The following LHX4 variants were observed in gnomAD, a reference collection of about 807,000 sequenced individuals.
The protein encoded by LHX4 is LIM homeobox 4, also known as LIM/homeobox protein Lhx4.
In LHX4, 16 loss-of-function variants were observed where a neutral mutation model predicts 39.2. That is an observed-to-expected ratio of 0.41 (90% CI 0.28 to 0.62). LHX4 has a LOEUF of 0.62. Ranked by LOEUF, LHX4 falls within the 20% of genes least tolerant of loss-of-function variation. LHX4 has a pLI of 0.33. For missense variants in LHX4, 439 were observed against 511.9 expected, an observed-to-expected ratio of 0.86 and a Z score of 1.37; for synonymous variants, 206 against 198.1, an observed-to-expected ratio of 1.04 and a Z score of -0.33.
In LHX4 at chr1:180,231,554, TCGCGCGCGCGCGCG is replaced by T. The variant is rs3041737; in HGVS notation, c.76+960_76+973del. Among the ~76,000 whole-genome samples the T allele has an allele frequency of 2.8e-3, 372 of 132,786 alleles. 3 individuals carry two copies. Among genetic ancestry groups the T allele is most frequent in the Middle Eastern group, 0.022 (6 of 268 alleles). 87.1% of individuals were successfully genotyped at this position (132,786 alleles called of 152,430 possible). On this transcript the variant is annotated intron_variant, in intron 1 of 5. Coordinates refer to ENST00000263726, the MANE Select transcript of LHX4 (RefSeq NM_033343.4). ...AGAGGCCAGAACAGGTGCCCAGTCG[TCGCGCGCGCGCGCG>T]CGCGCGCGCGACAAGCGCCGGGAGA...
Position 180,274,894 on chromosome 1 carries a change from A to G in LHX4, c.*315A>G, listed in dbSNP as rs1648933507. Reference sequence around the variant, plus strand: ...CTTGGCTGCTCAGTGCTTTGGTAGCACAAGGTGACTGTGATAGGCCCCCTT... The same window carrying G: ...CTTGGCTGCTCAGTGCTTTGGTAGCGCAAGGTGACTGTGATAGGCCCCCTT... On this transcript the variant is annotated 3_prime_UTR_variant, in exon 6 of 6. Coordinates refer to ENST00000263726, the MANE Select transcript of LHX4 (RefSeq NM_033343.4). The G allele has an allele frequency of 7.5e-6, 2 of 267,206 alleles. No individual in the cohort carries two copies. The highest frequency in any genetic ancestry group is 1.4e-4 in the East Asian group (2 of 14,718). The allele number at this position is 267,206 out of a possible 1,614,324, so 16.6% of individuals were successfully genotyped here.
chr1:180,276,245 G>GACTT lies in LHX4; in HGVS notation c.*1668_*1671dup, dbSNP rs1649019211. On this transcript the variant is annotated 3_prime_UTR_variant, in exon 6 of 6. Coordinates refer to ENST00000263726, the MANE Select transcript of LHX4 (RefSeq NM_033343.4). ...TTGGTCACCTTTTGAGGACTGCAAA[G>GACTT]ACTTAGGCATGTCATAGGCAGACTA... 1 of 152,214 alleles carries GACTT rather than the reference G, an allele frequency of 6.6e-6. No individual in the cohort carries two copies. Among genetic ancestry groups the GACTT allele is most frequent in the Non-Finnish European group, 1.5e-5 (1 of 68,048 alleles). The allele number at this position is 152,214 out of a possible 1,614,324, so 9.4% of individuals were successfully genotyped here. A position where few individuals can be genotyped will look rare whatever the true frequency, so the allele number is the denominator to read the frequency against.
upstream of LHX4, among the ~76,000 whole-genome samples, chr1:180,229,921 G>C (rs572655235): frequency 4.2e-3 from 604 of 143,506 alleles, 1 homozygote; most frequent in Admixed American, 8.0e-3. Flanking sequence ...TACCCAGGGC[G>C]CGAGCCCGCC....
At chr1:180,235,337 G>A (rs1664289130) in intron 1 of LHX4, among the ~76,000 whole-genome samples, 1 of 152,258 alleles carries the variant, frequency 6.6e-6, no homozygotes, top group Admixed American at 6.5e-5. Flanking sequence ...TTAGAGTGGT[G>A]GCAGGGACTT....
chr1:180,232,893 C>G lies in LHX4; in HGVS notation c.76+2288C>G, dbSNP rs1438896850. The stretch of plus-strand genomic sequence containing the variant: ...CCTTCCGGGACAGTAGGCTCTTAAA[C>G]CCTAGAGGAGGGGAGACAAAAGAAA... On this transcript the variant is annotated intron_variant, in intron 1 of 5. Transcript: ENST00000263726. This position sits in a 1 kb window ranked among gnomAD's most constrained non-coding sequence, Gnocchi z 5.4. 2.0e-5 allele frequency among the ~76,000 whole-genome samples: 3 copies of G among 152,192 alleles called. No individual in the cohort carries two copies. The highest frequency in any genetic ancestry group is 1.5e-5 in the Non-Finnish European group (1 of 68,028).
At chr1:180,231,523 CTG>C (rs1287689908) in intron 1 of LHX4, among the ~76,000 whole-genome samples, 16 of 145,306 alleles carry the variant, frequency 1.1e-4, no homozygotes, top group Admixed American at 1.1e-3. Context: ...GAGAGGGAAT[CTG>C]TGCAGAGGCC....
At chr1:180,258,164 G>A (rs1647949002) in intron 2 of LHX4, among the ~76,000 whole-genome samples, 1 of 152,230 alleles carries the variant, frequency 6.6e-6, no homozygotes, top group African/African-American at 2.4e-5. Context: ...AGAAATAAGT[G>A]CACAGCGCAT....
chr1:180,278,856 C>T lies in LHX4; in HGVS notation c.*4277C>T, dbSNP rs916140905. 3.3e-4 allele frequency: 50 copies of T among 152,186 alleles called. No homozygotes were observed. Among genetic ancestry groups the T allele is most frequent in the African/African-American group, 1.1e-3 (46 of 41,508 alleles). 9.4% of individuals were successfully genotyped at this position (152,186 alleles called of 1,614,324 possible). On this transcript the variant is annotated 3_prime_UTR_variant, in exon 6 of 6. Coordinates refer to ENST00000263726, the MANE Select transcript of LHX4 (RefSeq NM_033343.4). ...AAAAAAAGAAAAAAAAAAGACCCACCCATCCTTATTTATTGCCATATGACT... is the reference window on the plus strand; with the variant it reads ...AAAAAAAGAAAAAAAAAAGACCCACTCATCCTTATTTATTGCCATATGACT...
intron 5 of LHX4, chr1:180,273,622 C>T (rs1234495249): frequency 2.0e-5 from 3 of 152,930 alleles, no homozygotes; most frequent in East Asian, 1.9e-4. Flanking sequence ...AATTCTTTGT[C>T]CCCAGTGAAG....
chr1:180,231,728 C>T (rs541744091), intron 1 of LHX4, among the ~76,000 whole-genome samples: 77 of 152,106 alleles, frequency 5.1e-4, no homozygotes, highest in Non-Finnish European at 2.8e-4. Context: ...GCTACATCTT[C>T]GGGGTTTACT....
In LHX4 at chr1:180,261,145, G is replaced by T. The variant is rs1648098443; in HGVS notation, c.249-5247G>T. On this transcript the variant is annotated intron_variant, in intron 2 of 5. Transcript: ENST00000263726. The stretch of plus-strand genomic sequence containing the variant: ...AGTGGCTCACACCTGTAATTCCAGT[G>T]CTTTGGGGGCCAAGATGGGAGGAGG... 2.0e-5 allele frequency among the ~76,000 whole-genome samples: 3 copies of T among 151,806 alleles called. No individual in the cohort carries two copies. In the South Asian group the frequency reaches 6.2e-4, roughly 31 times the overall value.
chr1:180,261,950 T>C (rs1648129584), intron 2 of LHX4, among the ~76,000 whole-genome samples: 1 of 152,216 alleles, frequency 6.6e-6, no homozygotes, highest in South Asian at 2.1e-4. Flanking sequence ...TTAATCTTTT[T>C]CTAGCAATGA....
chr1:180,269,269 A>G (rs1417294448), intron 3 of LHX4, among the ~76,000 whole-genome samples: 1 of 152,136 alleles, frequency 6.6e-6, no homozygotes, highest in Non-Finnish European at 1.5e-5. Flanking sequence ...CTCCTAAATT[A>G]ACAGCCCAGG....
chr1:180,265,967 C>T (rs1006786984), intron 2 of LHX4, among the ~76,000 whole-genome samples: 3 of 152,214 alleles, frequency 2.0e-5, no homozygotes, highest in Non-Finnish European at 4.4e-5. Flanking sequence ...TTTCTACACA[C>T]AGCCTGTGGC....
intron 1 of LHX4, among the ~76,000 whole-genome samples, chr1:180,242,529 GTGTATGTGAGTGCGTGTGAGGATGTC>G (rs1254304023): frequency 6.6e-6 from 1 of 152,116 alleles, no homozygotes; most frequent in Non-Finnish European, 1.5e-5. Context: ...TATATTGAGT[GTGTATGTGAGTGCGTGTGAGGATGTC>G]TGTATGTGTT....
At chr1:180,270,832 G>A (rs1007026833) in intron 3 of LHX4, 5 of 187,628 alleles carry the variant, frequency 2.7e-5, no homozygotes, top group Admixed American at 2.1e-4. Context: ...AGTGGGTTCT[G>A]ACCTATAGTT....
intron 1 of LHX4, among the ~76,000 whole-genome samples, chr1:180,231,212 A>T (rs1489132929): frequency 6.6e-6 from 1 of 151,750 alleles, no homozygotes; most frequent in Non-Finnish European, 1.5e-5. Context: ...CGCGCATTCC[A>T]GCTAGCCTAG....
At chr1:180,260,398 C>G (rs567479115) in intron 2 of LHX4, among the ~76,000 whole-genome samples, 1 of 151,762 alleles carries the variant, frequency 6.6e-6, no homozygotes, top group Non-Finnish European at 1.5e-5. Context: ...CCTGCTGCCC[C>G]CTTTCTACAG....
chr1:180,262,171 G>A (rs566477597), intron 2 of LHX4, among the ~76,000 whole-genome samples: 1 of 151,542 alleles, frequency 6.6e-6, no homozygotes, highest in East Asian at 1.9e-4. Flanking sequence ...AGAGTCTCCG[G>A]TACTAGCTGC....
Sources: gnomAD v4.1 joint callset for allele counts (sites outside exome capture counted in the v4.1 genomes callset) on GRCh38, gnomAD v4.1.1 for gene constraint, Gnocchi (gnomAD v3.1) non-coding constraint, MANE v1.5 for transcripts, NCBI Gene and HGNC (gene_info 2026-07-23, HGNC 2026-07-21) for gene names.